TINAG: variants seen among roughly 807,000 people sequenced by gnomAD.
TINAG encodes tubulointerstitial nephritis antigen.
In TINAG, 83 loss-of-function variants were observed where a neutral mutation model predicts 72.7. The observed-to-expected ratio is 1.14, with a 90% CI of 0.96 to 1.37. The LOEUF is 1.37. Among genes scored for constraint, TINAG ranks in the 40% most tolerant of loss-of-function variants. The pLI, the probability that TINAG is intolerant of heterozygous loss-of-function variation, is 0.00. For missense variants in TINAG, 685 were observed against 576.6 expected (o/e 1.19, Z -1.93); for synonymous variants, 234 against 189.9 (o/e 1.23, Z -1.91).
At chr6:54,382,801 A>G (rs1562187422) in intron 10 of TINAG, among the ~76,000 whole-genome samples, 2 of 152,146 alleles carry the variant, frequency 1.3e-5, no homozygotes, top group South Asian at 2.1e-4. Context: ...ACAAAGAACA[A>G]TAGATTTTCT....
Position 54,351,406 on chromosome 6 carries a change from G to T in TINAG, c.1126+9G>T. 1 of 1,609,086 alleles carries T rather than the reference G, an allele frequency of 6.2e-7. No homozygotes were observed. Among genetic ancestry groups the T allele is most frequent in the South Asian group, 1.1e-5 (1 of 90,820 alleles). ...AAATGGACCAGTTCAAGGTAAGCTT[G>T]AATGAAATACGGTTTTTTCTTACTC... is the stretch of plus-strand genomic sequence containing the variant. On this transcript the variant is annotated intron_variant, in intron 8 of 10. Coordinates refer to ENST00000259782, the MANE Select transcript of TINAG (RefSeq NM_014464.4).
At chr6:54,343,428 T>G in intron 5 of TINAG, 79 bp downstream of exon 5, 1 of 1,259,714 alleles carries the variant, frequency 7.9e-7, no homozygotes, top group Non-Finnish European at 1.0e-6. Context: ...TGAACAATTT[T>G]AACAATTAGA....
intron 7 of TINAG, among the ~76,000 whole-genome samples, chr6:54,350,997 A>T (rs9395938): frequency 2.0e-5 from 3 of 151,890 alleles, no homozygotes; most frequent in Admixed American, 1.3e-4. Context: ...TATTTGTACT[A>T]AAGCTACTGA....
rs190518207 is a variant in TINAG at position 54,355,007 on chromosome 6, A to G, written c.1250+371A>G. On this transcript the variant is annotated intron_variant, in intron 9 of 10. Coordinates refer to ENST00000259782, the MANE Select transcript of TINAG (RefSeq NM_014464.4). ...TTGAATAGAATTGCAAATAGCAAAG[A>G]TTAAGCAGGAAGAGAAGGTCACCTA... 8.5e-5 allele frequency among the ~76,000 whole-genome samples: 13 copies of G among 152,082 alleles called. No homozygotes were observed. The Middle Eastern group carries it at 0.01, about 119-fold the overall frequency.
chr6:54,338,444 G>A (rs753921368), intron 4 of TINAG, among the ~76,000 whole-genome samples: 1 of 151,892 alleles, frequency 6.6e-6, no homozygotes, highest in Non-Finnish European at 1.5e-5. Flanking sequence ...TAGTTTGGCC[G>A]GGAGGTGTGG....
intron 9 of TINAG, among the ~76,000 whole-genome samples, chr6:54,370,446 T>C (rs1582750802): frequency 6.6e-6 from 1 of 151,970 alleles, no homozygotes. Flanking sequence ...AATTATGAAA[T>C]ATATAATATG....
chr6:54,384,910 T>A (rs1429665042), intron 10 of TINAG, among the ~76,000 whole-genome samples: 1 of 152,150 alleles, frequency 6.6e-6, no homozygotes, highest in Non-Finnish European at 1.5e-5. Context: ...ACATGAAATA[T>A]TTGCCAATAT....
chr6:54,354,066 A>T (rs1287436074), intron 8 of TINAG, among the ~76,000 whole-genome samples: 1 of 151,882 alleles, frequency 6.6e-6, no homozygotes, highest in Non-Finnish European at 1.5e-5. Context: ...CAACTCACAA[A>T]AGAAAGGTTT....
At chr6:54,376,695 T>C (rs1258522653) in intron 9 of TINAG, among the ~76,000 whole-genome samples, 1 of 152,136 alleles carries the variant, frequency 6.6e-6, no homozygotes, top group Non-Finnish European at 1.5e-5. Flanking sequence ...TGCATGGAAA[T>C]ATTAATAACC....
intron 7 of TINAG, among the ~76,000 whole-genome samples, chr6:54,350,142 T>C (rs1390065755): frequency 1.3e-5 from 2 of 152,106 alleles, no homozygotes; most frequent in Non-Finnish European, 2.9e-5. Context: ...GGTTTTAAAA[T>C]TATGTTTCAT....
chr6:54,315,783 G>A (rs1033857358), intron 1 of TINAG, among the ~76,000 whole-genome samples: 2 of 152,124 alleles, frequency 1.3e-5, no homozygotes, highest in Non-Finnish European at 2.9e-5. Flanking sequence ...TTTTGGTATA[G>A]AGGATTTTAA....
At chr6:54,379,171 G>A (rs1763871215) in intron 9 of TINAG, among the ~76,000 whole-genome samples, 1 of 152,132 alleles carries the variant, frequency 6.6e-6, no homozygotes, top group Non-Finnish European at 1.5e-5. Flanking sequence ...TACACGGGCA[G>A]AATTAATTGT....
chr6:54,311,045 T>A (rs576922917), intron 1 of TINAG, among the ~76,000 whole-genome samples: 13 of 151,994 alleles, frequency 8.6e-5, no homozygotes, highest in Non-Finnish European at 1.5e-4. Context: ...CATTCCCATC[T>A]TTCTCCAATG....
intron 10 of TINAG, among the ~76,000 whole-genome samples, chr6:54,380,932 T>C (rs1763927404): frequency 6.7e-6 from 1 of 148,838 alleles, no homozygotes; most frequent in African/African-American, 2.5e-5. Flanking sequence ...GTTAGTATCA[T>C]ATATATACAT....
Position 54,366,773 on chromosome 6 carries a change from G to A in TINAG, c.1250+12137G>A, listed in dbSNP as rs148960195. On this transcript the variant is annotated intron_variant, in intron 9 of 10. Coordinates refer to ENST00000259782, the MANE Select transcript of TINAG (RefSeq NM_014464.4). Reference sequence around the variant, plus strand: ...TTGCCAGGAAAAAATGACACCTACTGTGGAATGTAGTCAGGCAAGTAGAAA... The same window carrying A: ...TTGCCAGGAAAAAATGACACCTACTATGGAATGTAGTCAGGCAAGTAGAAA... 1.2e-3 allele frequency among the ~76,000 whole-genome samples: 183 copies of A among 151,776 alleles called. 1 individual carries two copies. Among genetic ancestry groups the A allele is most frequent in the African/African-American group, 4.2e-3 (175 of 41,492 alleles).
intron 3 of TINAG, among the ~76,000 whole-genome samples, chr6:54,323,799 C>G (rs975064920): frequency 6.6e-6 from 1 of 152,026 alleles, no homozygotes; most frequent in Non-Finnish European, 1.5e-5. Context: ...ACCAGAAATA[C>G]AAAAATTATC....
chr6:54,322,129 A>AC (rs1377470103), intron 3 of TINAG, among the ~76,000 whole-genome samples: 6 of 152,138 alleles, frequency 3.9e-5, no homozygotes, highest in Admixed American at 2.6e-4. Flanking sequence ...AACTAGTGAG[A>AC]CCCCATCTCT....
At chr6:54,327,915 A>G (rs1784646109) in intron 4 of TINAG, among the ~76,000 whole-genome samples, 1 of 152,178 alleles carries the variant, frequency 6.6e-6, no homozygotes, top group South Asian at 2.1e-4. Context: ...CTGCCTCTCT[A>G]GATTCCTCCT....
rs375808263 is a variant in TINAG, at chr6:54,372,763, T to C, written c.1251-7763T>C. ...ATATATATATATATATATATATATA[T>C]ATATATATACACACACACACACATA... On this transcript the variant is annotated intron_variant, in intron 9 of 10. Transcript: ENST00000259782. Among the ~76,000 whole-genome samples the C allele has an allele frequency of 7.7e-3, 318 of 41,180 alleles. 3 individuals are homozygous for C. Among genetic ancestry groups the C allele is most frequent in the African/African-American group, 0.05 (273 of 5,502 alleles). 27.0% of individuals were successfully genotyped at this position (41,180 alleles called of 152,430 possible).
Sources: gnomAD v4.1 joint callset for allele counts (sites outside exome capture counted in the v4.1 genomes callset) on GRCh38, gnomAD v4.1.1 for gene constraint, MANE v1.5 for transcripts, NCBI Gene and HGNC (gene_info 2026-07-23, HGNC 2026-07-21) for gene names.